PDZRN4: variants seen among roughly 807,000 people sequenced by gnomAD.
PDZRN4 encodes the protein PDZ domain-containing RING finger protein 4.
PDZRN4 carries 70 observed loss-of-function variants against 99.0 expected under a neutral mutation model. The observed-to-expected ratio is 0.71, with a 90% CI of 0.58 to 0.86. The LOEUF is 0.86. Ranked by LOEUF, PDZRN4 falls within the 40% of genes least tolerant of loss-of-function variation. The pLI, the probability that PDZRN4 is intolerant of heterozygous loss-of-function variation, is 0.00. For missense variants in PDZRN4, 1,474 were observed against 1,331.2 expected (o/e 1.11, Z -1.67); for synonymous variants, 551 against 501.6 (o/e 1.10, Z -1.32).
intron 3 of PDZRN4, among the ~76,000 whole-genome samples, chr12:41,254,218 CAGAG>C (rs1951189642): frequency 2.0e-5 from 3 of 152,002 alleles, no homozygotes; most frequent in Non-Finnish European, 4.4e-5. Flanking sequence ...TTTATACTGT[CAGAG>C]AGATCAGAAG....
chr12:41,477,715 TGAACA>T, intron 3 of PDZRN4: 3 of 663,830 alleles, frequency 4.5e-6, no homozygotes, highest in Non-Finnish European at 8.1e-6. Flanking sequence ...GGTTATTTGG[TGAACA>T]GACCAACTCC....
intron 3 of PDZRN4, among the ~76,000 whole-genome samples, chr12:41,454,700 G>T (rs775384157): frequency 6.6e-6 from 1 of 152,190 alleles, no homozygotes; most frequent in Non-Finnish European, 1.5e-5. Flanking sequence ...TGTCAAGTTG[G>T]CTGTGGCCAA....
rs1367085429 is a variant in PDZRN4, at chr12:41,188,651, C to T, written c.196C>T (p.Arg66Trp). 1.9e-6 allele frequency: 3 copies of T among 1,544,246 alleles called. No individual in the cohort carries two copies. Among genetic ancestry groups the T allele is most frequent in the South Asian group, 1.2e-5 (1 of 84,776 alleles). The change falls in exon 1 of 10, where the codon CGG becomes TGG. Residue 66 changes from arginine to tryptophan, a missense_variant. Coordinates refer to ENST00000402685, the MANE Select transcript of PDZRN4 (RefSeq NM_001164595.2). ...GCCCTTGGCGCCCGGCGAGCTGTAC[C>T]GGGTGCTGCCGCTGCGCAGCCTCAT... is the stretch of plus-strand genomic sequence containing the variant. ...CQPLAPGELY[R>W]VLPLRSLIQK...
At chr12:41,220,919 G>A (rs1413295879) in intron 3 of PDZRN4, among the ~76,000 whole-genome samples, 4 of 152,176 alleles carry the variant, frequency 2.6e-5, no homozygotes, top group Admixed American at 1.3e-4. Flanking sequence ...TACATACACT[G>A]CCTATAACCC....
intron 3 of PDZRN4, among the ~76,000 whole-genome samples, chr12:41,251,879 G>A (rs570341014): frequency 1.1e-4 from 17 of 152,282 alleles, no homozygotes; most frequent in African/African-American, 3.4e-4. Flanking sequence ...ACTTTAGGAG[G>A]CTGACGCAGG....
intron 3 of PDZRN4, among the ~76,000 whole-genome samples, chr12:41,270,038 T>C (rs1043453839): frequency 5.9e-5 from 9 of 152,188 alleles, no homozygotes; most frequent in African/African-American, 1.9e-4. Flanking sequence ...TGGGTCATTG[T>C]GGTAAAGTGG....
chr12:41,411,147 T>G (rs1268610174), intron 3 of PDZRN4, among the ~76,000 whole-genome samples: 1 of 151,844 alleles, frequency 6.6e-6, no homozygotes, highest in South Asian at 2.1e-4. Context: ...GCAGTCCTCC[T>G]GCCTCAGCCT....
At chr12:41,405,621 C>A (rs1952341087) in intron 3 of PDZRN4, among the ~76,000 whole-genome samples, 1 of 152,186 alleles carries the variant, frequency 6.6e-6, no homozygotes, top group Admixed American at 6.5e-5. Flanking sequence ...GAAAATAGAT[C>A]ATTATGCCAA....
At chr12:41,283,039 G>A (rs1207016515) in intron 3 of PDZRN4, among the ~76,000 whole-genome samples, 1 of 151,852 alleles carries the variant, frequency 6.6e-6, no homozygotes, top group Non-Finnish European at 1.5e-5. Flanking sequence ...TGAACCGAAG[G>A]AGATAGGAGC....
chr12:41,417,819 T>C (rs141920266), intron 3 of PDZRN4, among the ~76,000 whole-genome samples: 15 of 152,286 alleles, frequency 9.8e-5, no homozygotes, highest in Non-Finnish European at 1.3e-4. Context: ...GTTGGTTAAA[T>C]AGAGAGAATT....
intron 3 of PDZRN4, among the ~76,000 whole-genome samples, chr12:41,340,446 G>A (rs866957697): frequency 4.6e-5 from 7 of 151,944 alleles, no homozygotes; most frequent in Admixed American, 1.3e-4. Flanking sequence ...TAGTGAGGTT[G>A]GGGGTGAGGA....
At chr12:41,195,352 G>C (rs1461094) in intron 3 of PDZRN4, among the ~76,000 whole-genome samples, 97,988 of 151,962 alleles carry the variant, frequency 0.64, 31,732 homozygotes, top group South Asian at 0.69. Context: ...ATAATCACTA[G>C]TGCTATCTCT....
chr12:41,563,645 T>C lies in PDZRN4; in HGVS notation c.1463T>C (p.Ile488Thr). The change falls in exon 8 of 10, where the codon ATT becomes ACT. Residue 488 changes from isoleucine to threonine, a missense_variant. Coordinates refer to ENST00000402685, the MANE Select transcript of PDZRN4 (RefSeq NM_001164595.2). ...RIVLLVARPE[I>T]QLDEGWLEDE... The stretch of plus-strand genomic sequence containing the variant: ...GTGCTGCTTGTTGCAAGGCCAGAGA[T>C]TCAGGTCAGAACAGAGATCAAAAGC... 6.2e-7 allele frequency: 1 copy of C among 1,610,244 alleles called. No individual in the cohort carries two copies. Among genetic ancestry groups the C allele is most frequent in the Non-Finnish European group, 8.5e-7 (1 of 1,176,792 alleles).
chr12:41,495,089 G>A (rs1244549102), intron 3 of PDZRN4, among the ~76,000 whole-genome samples: 3 of 151,946 alleles, frequency 2.0e-5, no homozygotes, highest in Non-Finnish European at 2.9e-5. Flanking sequence ...AAGGTATAAC[G>A]ATGCAGGTGG....
intron 3 of PDZRN4, among the ~76,000 whole-genome samples, chr12:41,367,689 T>C (rs1952011696): frequency 6.6e-6 from 1 of 152,112 alleles, no homozygotes; most frequent in African/African-American, 2.4e-5. Context: ...AATTTGTGTG[T>C]TCCATTTGGA....
At chr12:41,454,807 C>T (rs1036235396) in intron 3 of PDZRN4, among the ~76,000 whole-genome samples, 7 of 152,198 alleles carry the variant, frequency 4.6e-5, no homozygotes, top group African/African-American at 1.7e-4. Context: ...CAGTTAGATC[C>T]TTTCCCTTAT....
intron 3 of PDZRN4, among the ~76,000 whole-genome samples, chr12:41,395,319 T>C (rs1952238991): frequency 6.6e-6 from 1 of 152,180 alleles, no homozygotes; most frequent in South Asian, 2.1e-4. Context: ...GATATAGACA[T>C]TCCTGTTTAA....
At chr12:41,544,702 A>C (rs1028420907) in intron 5 of PDZRN4, among the ~76,000 whole-genome samples, 3 of 152,256 alleles carry the variant, frequency 2.0e-5, no homozygotes, top group Non-Finnish European at 4.4e-5. Flanking sequence ...CCAAGAAGCT[A>C]CTAAGCATCA....
chr12:41,279,560 T>C (rs547307293), intron 3 of PDZRN4, among the ~76,000 whole-genome samples: 9 of 152,314 alleles, frequency 5.9e-5, no homozygotes, highest in African/African-American at 2.2e-4. Context: ...GGAAAGCTTG[T>C]ATTTATTTAT....
Sources: allele counts gnomAD v4.1 joint callset (sites outside exome capture counted in the v4.1 genomes callset), GRCh38; gene constraint gnomAD v4.1.1; transcripts MANE v1.5; gene names NCBI Gene and HGNC (gene_info 2026-07-23, HGNC 2026-07-21).